Variants in COL4A1 observed in about 807,000 individuals in gnomAD.
COL4A1 encodes the protein collagen alpha-1(IV) chain.
Under a neutral mutation model 216.6 loss-of-function variants are expected in COL4A1, and 40 were observed. That is an observed-to-expected ratio of 0.18 (90% CI 0.14 to 0.24). COL4A1 has a LOEUF of 0.24. Ranked by LOEUF, COL4A1 falls within the 10% of genes least tolerant of loss-of-function variation. COL4A1 has a pLI of 1.00. For synonymous variants in COL4A1, 839 were observed against 810.7 expected (o/e 1.03, Z -0.59); for missense variants, 1,628 against 2,196.8 (o/e 0.74, Z 5.18).
At chr13:110,293,613 T>C (rs1304547090) in intron 1 of COL4A1, among the ~76,000 whole-genome samples, 3 of 152,182 alleles carry the variant, frequency 2.0e-5, no homozygotes, top group Non-Finnish European at 4.4e-5. Flanking sequence ...CTTTCGAACA[T>C]GCTGTTTGAA....
At position 110,173,982 on chromosome 13, in the gene COL4A1, A is replaced by G; in HGVS notation, c.3423T>C (p.Pro1141=). The G allele has an allele frequency of 1.9e-6, 3 of 1,614,130 alleles. No individual in the cohort carries two copies. The highest frequency in any genetic ancestry group is 1.1e-5 in the South Asian group (1 of 91,088). ...TCTGGCCAGCTGGGCCTGTGGGGCC[A>G]GGAGTCCCAGGAAGACCTCAAAGAG... ...VKGEAGLPGT[P]GPTGPAGQKG... is the part of the protein sequence containing the mutation. Residue 1141 remains proline (P), a synonymous_variant, in exon 40 of 52, where the codon CCT becomes CCC. Transcript: ENST00000375820.
intron 2 of COL4A1, among the ~76,000 whole-genome samples, chr13:110,218,866 C>T (rs1165846435): frequency 6.6e-6 from 1 of 152,156 alleles, no homozygotes; most frequent in African/African-American, 2.4e-5. Flanking sequence ...GAATGAAAGC[C>T]CTCACATTTG....
intron 2 of COL4A1, among the ~76,000 whole-genome samples, chr13:110,219,836 GTA>G (rs1453151322): frequency 1.2e-4 from 7 of 59,254 alleles, no homozygotes; most frequent in Admixed American, 4.5e-4. Flanking sequence ...ATGTATGTAT[GTA>G]TATATGTGTA....
chr13:110,249,266 G>A (rs572605193), intron 1 of COL4A1, among the ~76,000 whole-genome samples: 3 of 152,020 alleles, frequency 2.0e-5, no homozygotes, highest in Non-Finnish European at 4.4e-5. Flanking sequence ...TGACTACACG[G>A]GTGTATACGT....
At chr13:110,178,034 G>T in intron 32 of COL4A1, 30 bp downstream of exon 32, 1 of 1,614,120 alleles carries the variant, frequency 6.2e-7, no homozygotes, top group Middle Eastern at 1.6e-4. Context: ...CTTCATGATG[G>T]ATCCAGGCAG....
intron 2 of COL4A1, among the ~76,000 whole-genome samples, chr13:110,231,135 G>C (rs1881039925): frequency 6.6e-6 from 1 of 152,212 alleles, no homozygotes; most frequent in South Asian, 2.1e-4. Context: ...AGTCAGTGTG[G>C]GAACAAGATC....
intron 2 of COL4A1, among the ~76,000 whole-genome samples, chr13:110,216,419 A>AAAAT (rs1861497386): frequency 6.6e-6 from 1 of 152,196 alleles, no homozygotes; most frequent in Non-Finnish European, 1.5e-5. Flanking sequence ...AACAGCGGCT[A>AAAAT]AAATAAATAA....
At position 110,264,505 on chromosome 13, in the gene COL4A1, G is replaced by A. The variant is rs540009457; in HGVS notation, c.85-21771C>T. 1.5e-4 allele frequency among the ~76,000 whole-genome samples: 23 copies of A among 152,300 alleles called. No homozygotes were observed. In the South Asian group the frequency reaches 3.7e-3, roughly 25 times the overall value. Reference sequence around the variant, plus strand: ...AAAGATAAGGGAAAAAAGGAGGGAAGGAGAGGAGGAGAAAGAAGTAAAAGG... The same window carrying A: ...AAAGATAAGGGAAAAAAGGAGGGAAAGAGAGGAGGAGAAAGAAGTAAAAGG... On this transcript the variant is annotated intron_variant, in intron 1 of 51. Coordinates refer to ENST00000375820, the MANE Select transcript of COL4A1 (RefSeq NM_001845.6).
At position 110,282,842 on chromosome 13, in the gene COL4A1, A is replaced by G. The variant is rs909692771; in HGVS notation, c.84+24102T>C. ...CAAAAAAAATCAATTTGGAAATATA[A>G]TTGTCCATGCTAAGTTCACTGATAT... On this transcript the variant is annotated intron_variant, in intron 1 of 51. Transcript: ENST00000375820. 4.6e-5 allele frequency among the ~76,000 whole-genome samples: 7 copies of G among 152,312 alleles called. No individual in the cohort carries two copies. The East Asian group carries it at 1.4e-3, about 29-fold the overall frequency.
At position 110,179,405 on chromosome 13, in the gene COL4A1, C is replaced by A; in HGVS notation, c.2210G>T (p.Gly737Val). Reference protein sequence around the residue: ...VQGQKGEPGVGLPGLKGLPGL... With the variant: ...VQGQKGEPGVVLPGLKGLPGL... ...TGGCAAACCTTTGAGTCCCGGTAGA[C>A]CAACTCCAGGCTCTCCCTGAAAATC... is the stretch of plus-strand genomic sequence containing the variant. Residue 737 changes from glycine (G) to valine (V), a missense_variant, in exon 30 of 52, where the codon GGT becomes GTT. Gly to Val is a moderately radical substitution (Grantham distance 109, BLOSUM62 -3). Coordinates refer to ENST00000375820, the MANE Select transcript of COL4A1 (RefSeq NM_001845.6). 6.2e-7 allele frequency: 1 copy of A among 1,614,156 alleles called. No individual in the cohort carries two copies.
intron 42 of COL4A1, 71 bp from the exon 43 acceptor site, chr13:110,169,833 C>A: frequency 6.4e-7 from 1 of 1,552,612 alleles, no homozygotes. Flanking sequence ...GTGGGGCTAT[C>A]AATACTGCCA....
chr13:110,297,769 C>T (rs58910650), intron 1 of COL4A1, among the ~76,000 whole-genome samples: 8,297 of 152,184 alleles, frequency 0.055, 744 homozygotes, highest in African/African-American at 0.19. Flanking sequence ...AGAACAATTC[C>T]AACCACCTGC....
chr13:110,212,017 G>T, intron 6 of COL4A1, 95 bp from the exon 7 acceptor site: 1 of 1,276,708 alleles, frequency 7.8e-7, no homozygotes, highest in Non-Finnish European at 1.1e-6. Context: ...CCCTTCATTT[G>T]TTGGTTAAAA....
rs779978156 is a variant in COL4A1, at chr13:110,187,250, A to G, written c.1616T>C (p.Leu539Pro). 1 of 1,613,790 alleles carries G rather than the reference A, an allele frequency of 6.2e-7. No homozygotes were observed. The highest frequency in any genetic ancestry group is 8.5e-7 in the Non-Finnish European group (1 of 1,179,890). ...EPGEFYFDLR[L>P]KGDKGDPGFP... ...GCCTGGGTCTCCTTTGTCACCTTTG[A>G]GCCGCAAGTCGAAATAAAACTCACC... The change falls in exon 25 of 52, where the codon CTC (leucine) becomes CCC (proline). Residue 539 changes from leucine to proline, a missense_variant. Transcript: ENST00000375820.
chr13:110,195,096 G>T lies in COL4A1; in HGVS notation c.1308C>A (p.Pro436=), dbSNP rs372671572. The change falls in exon 22 of 52, where the codon CCC becomes CCA. Residue 436 remains proline (P), a synonymous_variant. Coordinates refer to ENST00000375820, the MANE Select transcript of COL4A1 (RefSeq NM_001845.6). ...GYTNGIVECQ[P]GPPGDQGPPG... ...GAGGACCCTGGTCACCTGGAGGTCCGGGCTGACATTCCACAATTCCATCTG... is the reference window on the plus strand; with the variant it reads ...GAGGACCCTGGTCACCTGGAGGTCCTGGCTGACATTCCACAATTCCATCTG... 6.2e-7 allele frequency: 1 copy of T among 1,613,994 alleles called. No individual in the cohort carries two copies. The highest frequency in any genetic ancestry group is 1.3e-5 in the African/African-American group (1 of 74,896).
At chr13:110,166,362 G>A (rs1020991626) in intron 44 of COL4A1, 59 bp from the exon 45 acceptor site, 7 of 1,040,008 alleles carry the variant, frequency 6.7e-6, no homozygotes, top group Admixed American at 5.1e-5. Context: ...ACAAATATGT[G>A]TGTGTATATA....
At chr13:110,215,444 T>G (rs1880021988) in intron 2 of COL4A1, among the ~76,000 whole-genome samples, 1 of 151,692 alleles carries the variant, frequency 6.6e-6, no homozygotes. Flanking sequence ...GCCTGTAATC[T>G]CAGTTACTCA....
At chr13:110,212,841 G>A (rs907253640) in intron 4 of COL4A1, among the ~76,000 whole-genome samples, 4 of 152,152 alleles carry the variant, frequency 2.6e-5, no homozygotes, top group South Asian at 4.2e-4. Flanking sequence ...ACTGCCATTC[G>A]CCACTGCAAA....
At chr13:110,217,883 T>C (rs1880166042) in intron 2 of COL4A1, among the ~76,000 whole-genome samples, 1 of 152,262 alleles carries the variant, frequency 6.6e-6, no homozygotes, top group Admixed American at 6.5e-5. Context: ...TTAAAATTCT[T>C]GCTTAATGCA....
Sources: allele counts gnomAD v4.1 joint callset (sites outside exome capture counted in the v4.1 genomes callset), GRCh38; gene constraint gnomAD v4.1.1; transcripts MANE v1.5; gene names NCBI Gene and HGNC (gene_info 2026-07-23, HGNC 2026-07-21).